IPO8: variants seen among roughly 807,000 people sequenced by gnomAD.
The protein encoded by IPO8 is importin-8.
In IPO8, 65 loss-of-function variants were observed where a neutral mutation model predicts 141.2. The observed-to-expected ratio is 0.46, with a 90% CI of 0.38 to 0.57. The LOEUF (loss-of-function observed/expected upper bound fraction) is 0.57. Ranked by LOEUF, IPO8 falls within the 20% of genes least tolerant of loss-of-function variation. The probability of loss-of-function intolerance (pLI) is 0.00; values close to 1 mark genes in which losing one functional copy is unlikely to be tolerated. For missense variants in IPO8, 980 were observed against 1,246.8 expected, an observed-to-expected ratio of 0.79 and a Z score of 3.22; for synonymous variants, 411 against 420.3, an observed-to-expected ratio of 0.98 and a Z score of 0.27.
intron 23 of IPO8, among the ~76,000 whole-genome samples, chr12:30,633,314 T>C (rs534647346): frequency 6.6e-6 from 1 of 152,332 alleles, no homozygotes; most frequent in African/African-American, 2.4e-5. Flanking sequence ...TTGGAAACAA[T>C]CTTAAATGTC....
intron 19 of IPO8, among the ~76,000 whole-genome samples, chr12:30,650,206 T>C (rs1453337166): frequency 6.6e-6 from 1 of 152,012 alleles, no homozygotes; most frequent in African/African-American, 2.4e-5. Context: ...TCAGATTAGA[T>C]GATTTTCTAG....
At chr12:30,665,603 A>C (rs2052951671) in intron 12 of IPO8, 126 bp downstream of exon 12, 1 of 650,942 alleles carries the variant, frequency 1.5e-6, no homozygotes, top group Admixed American at 3.2e-5. Context: ...GACAGAAAGG[A>C]GGATAGTTGT....
intron 3 of IPO8, among the ~76,000 whole-genome samples, chr12:30,683,893 A>G (rs563029618): frequency 1.3e-5 from 2 of 152,334 alleles, no homozygotes; most frequent in East Asian, 3.9e-4. Context: ...GAATAAAAAT[A>G]CAGGGAAAGA....
rs556047744 is a variant in IPO8, at chr12:30,647,261, A to T, written c.2268+1876T>A. ...ACAACTTCATAACTACATGCAAAAGAATTAAAATGCAGACCCCCTCCTCAC... is the reference window on the plus strand; with the variant it reads ...ACAACTTCATAACTACATGCAAAAGTATTAAAATGCAGACCCCCTCCTCAC... On this transcript the variant is annotated intron_variant, in intron 20 of 24. Coordinates refer to ENST00000256079, the MANE Select transcript of IPO8 (RefSeq NM_006390.4). Among the ~76,000 whole-genome samples, 288 of 152,320 alleles carry T rather than the reference A, an allele frequency of 1.9e-3. 2 individuals are homozygous for T. Among genetic ancestry groups the T allele is most frequent in the Non-Finnish European group, 2.2e-3 (150 of 68,032 alleles).
At chr12:30,641,131 T>C (rs563348826) in intron 20 of IPO8, among the ~76,000 whole-genome samples, 6 of 152,146 alleles carry the variant, frequency 3.9e-5, no homozygotes, top group Admixed American at 2.6e-4. Context: ...TGGAAGCTGG[T>C]TGGACTACTA....
Position 30,684,383 on chromosome 12 carries a change from G to A in IPO8, c.241C>T (p.Pro81Ser). Reference sequence around the variant, plus strand: ...CGATCGTTTTCGTGAATGTTGAATGGAAATATTGCTTCTCCTGGTGGAGGT... The same window carrying A: ...CGATCGTTTTCGTGAATGTTGAATGAAAATATTGCTTCTCCTGGTGGAGGT... ...REPPPGEAIFPFNIHENDRQQ... is the reference protein window; with the variant it reads ...REPPPGEAIFSFNIHENDRQQ... The change falls in exon 3 of 25, where the codon CCA becomes TCA. Residue 81 changes from proline to serine, a missense_variant. Pro to Ser is a moderately conservative substitution (Grantham distance 74, BLOSUM62 -1). This residue lies in a region of IPO8 where 924 missense variants were observed against 1,153.9 expected (regional missense o/e 0.80). Transcript: ENST00000256079. The A allele has an allele frequency of 6.2e-7, 1 of 1,614,058 alleles. No homozygotes were observed. Among genetic ancestry groups the A allele is most frequent in the Non-Finnish European group, 8.5e-7 (1 of 1,179,960 alleles).
intron 20 of IPO8, among the ~76,000 whole-genome samples, chr12:30,644,372 T>TAAA (rs11395707): frequency 0.025 from 3,650 of 145,128 alleles, 147 homozygotes; most frequent in African/African-American, 0.087. Context: ...CAATCTCCAT[T>TAAA]AAAAAAAAAA....
chr12:30,638,724 T>C (rs2052535875), intron 21 of IPO8, among the ~76,000 whole-genome samples: 5 of 152,098 alleles, frequency 3.3e-5, no homozygotes, highest in South Asian at 4.1e-4. Context: ...TGGAGTGCAG[T>C]GGCACGATCT....
intron 17 of IPO8, among the ~76,000 whole-genome samples, chr12:30,655,914 G>C (rs996097823): frequency 2.6e-5 from 4 of 152,194 alleles, no homozygotes; most frequent in Admixed American, 6.5e-5. Context: ...CGTGGGGCTA[G>C]CATCTTCAAA....
Position 30,656,031 on chromosome 12 carries a change from T to TAATA in IPO8, c.1948+649_1948+652dup, listed in dbSNP as rs778228686. 1.7e-4 allele frequency among the ~76,000 whole-genome samples: 26 copies of TAATA among 152,252 alleles called. No homozygotes were observed. In the East Asian group the frequency reaches 4.2e-3, roughly 25 times the overall value. On this transcript the variant is annotated intron_variant, in intron 17 of 24. Coordinates refer to ENST00000256079, the MANE Select transcript of IPO8 (RefSeq NM_006390.4). ...CTCAGAAGTCAGGTACCATAATAGA[T>TAATA]AATAGGACAATTAATTCATACTTTG...
rs762035678 is a variant in IPO8 at position 30,639,721 on chromosome 12, G to C, written c.2283C>G (p.Phe761Leu). Residue 761 changes from phenylalanine to leucine, a missense_variant, in exon 21 of 25, where the codon TTC becomes TTG. Transcript: ENST00000256079. ...GRGIDQCIPL[F>L]VQLVLERLTR... ...TTAATCTCTCCAAAACAAGTTGAAC[G>C]AAGAGTGGAATGCACTAGAAGACAA... 1.2e-6 allele frequency: 2 copies of C among 1,613,668 alleles called. No individual in the cohort carries two copies. Among genetic ancestry groups the C allele is most frequent in the Admixed American group, 1.7e-5 (1 of 59,998 alleles).
chr12:30,641,747 A>G (rs2052578007), intron 20 of IPO8, among the ~76,000 whole-genome samples: 1 of 152,184 alleles, frequency 6.6e-6, no homozygotes, highest in Admixed American at 6.5e-5. Flanking sequence ...CTTGGTAATA[A>G]TGTTGGTATA....
At chr12:30,665,180 T>A in intron 13 of IPO8, 40 bp downstream of exon 13, 1 of 1,086,402 alleles carries the variant, frequency 9.2e-7, no homozygotes, top group Non-Finnish European at 1.4e-6. Flanking sequence ...AATTATCTTA[T>A]GAAGATTTAA....
At chr12:30,647,559 T>C (rs1192617352) in intron 20 of IPO8, among the ~76,000 whole-genome samples, 1 of 131,260 alleles carries the variant, frequency 7.6e-6, no homozygotes, top group African/African-American at 3.0e-5. Flanking sequence ...GAGCCAAGAT[T>C]GTGCCACTGC....
chr12:30,678,225 T>A (rs989651446), intron 5 of IPO8, among the ~76,000 whole-genome samples: 11 of 152,150 alleles, frequency 7.2e-5, no homozygotes, highest in African/African-American at 2.7e-4. Context: ...ATAAATTTAG[T>A]GTAGCCTAAA....
At position 30,649,122 on chromosome 12, in the gene IPO8, C is replaced by A. The variant is rs774445535; in HGVS notation, c.2268+15G>T. ...ATGTAACCCTCAAGTAAGGCACTTT[C>A]CAGACATATATTACCTGATCAATTC... On this transcript the variant is annotated intron_variant, in intron 20 of 24. Transcript: ENST00000256079. 2.4e-5 allele frequency: 38 copies of A among 1,565,550 alleles called. No individual in the cohort carries two copies. The Middle Eastern group carries it at 1.2e-3, about 49-fold the overall frequency.
chr12:30,659,371 G>A (rs1181537836), intron 16 of IPO8, among the ~76,000 whole-genome samples: 4 of 151,940 alleles, frequency 2.6e-5, no homozygotes, highest in Admixed American at 6.5e-5. Context: ...GCAGCTACTC[G>A]GGAGGCTGAG....
At position 30,652,964 on chromosome 12, in the gene IPO8, T is replaced by C. The variant is rs1360207611; in HGVS notation, c.2074+3A>G. 1.9e-6 allele frequency: 3 copies of C among 1,599,868 alleles called. No individual in the cohort carries two copies. The highest frequency in any genetic ancestry group is 4.5e-5 in the East Asian group (2 of 44,606). ...CAAAAATTTTATATGGTCAAAGCCATACCTGTAAAGTATTCAAAGCAATCC... is the reference window on the plus strand; with the variant it reads ...CAAAAATTTTATATGGTCAAAGCCACACCTGTAAAGTATTCAAAGCAATCC... On this transcript the variant is annotated splice_donor_region_variant and intron_variant, in intron 18 of 24. Coordinates refer to ENST00000256079, the MANE Select transcript of IPO8 (RefSeq NM_006390.4).
chr12:30,650,072 A>G (rs76074977), intron 19 of IPO8, among the ~76,000 whole-genome samples: 2,386 of 152,110 alleles, frequency 0.016, 60 homozygotes, highest in African/African-American at 0.054. Context: ...AGCTTTTTAT[A>G]TAAGTTATTT....
Sources: allele counts gnomAD v4.1 joint callset (sites outside exome capture counted in the v4.1 genomes callset), GRCh38; gene constraint gnomAD v4.1.1; regional missense constraint gnomAD v4.1.1; transcripts MANE v1.5; gene names NCBI Gene and HGNC (gene_info 2026-07-23, HGNC 2026-07-21).